The following ANKRD62 variants were observed in gnomAD, a reference collection of about 807,000 sequenced individuals.
The protein encoded by ANKRD62 is ankyrin repeat domain-containing protein 62.
Under a neutral mutation model 98.8 loss-of-function variants are expected in ANKRD62, and 61 were observed. The observed-to-expected ratio is 0.62, with a 90% confidence interval of 0.50 to 0.76. ANKRD62 has a LOEUF of 0.76. ANKRD62 is among the 30% of genes least tolerant of loss of function. The pLI, the probability that ANKRD62 is intolerant of heterozygous loss-of-function variation, is 0.00. For synonymous variants in ANKRD62, 341 were observed against 367.9 expected, an observed-to-expected ratio of 0.93 and a Z score of 0.84; for missense variants, 933 against 1,082.9, an observed-to-expected ratio of 0.86 and a Z score of 1.94.
rs759674628 is a variant in ANKRD62 at position 12,096,185 on chromosome 18, C to T, written c.508-11C>T. On this transcript the variant is annotated splice_polypyrimidine_tract_variant and intron_variant, in intron 3 of 13. Coordinates refer to ENST00000587848, the MANE Select transcript of ANKRD62 (RefSeq NM_001277333.2). Reference sequence around the variant, plus strand: ...TTTTGTGAATTATAAATTGTTTTTGCTGTTTTGCAGGATGGACATACATCA... The same window carrying T: ...TTTTGTGAATTATAAATTGTTTTTGTTGTTTTGCAGGATGGACATACATCA... 6.7e-7 allele frequency: 1 copy of T among 1,487,288 alleles called. No homozygotes were observed. Among genetic ancestry groups the T allele is most frequent in the Non-Finnish European group, 9.0e-7 (1 of 1,109,060 alleles). 92.1% of individuals were successfully genotyped at this position (1,487,288 alleles called of 1,614,324 possible).
intron 7 of ANKRD62, among the ~76,000 whole-genome samples, chr18:12,105,338 C>A (rs919681603): frequency 6.6e-6 from 1 of 152,172 alleles, no homozygotes; most frequent in East Asian, 1.9e-4. Context: ...AGTGACAGAG[C>A]ATTAAAAGTA....
the ANKRD62 span, among the ~76,000 whole-genome samples, chr18:12,177,421 CT>C: frequency 6.6e-6 from 1 of 152,194 alleles, no homozygotes; most frequent in African/African-American, 2.4e-5. Flanking sequence ...TAAGATGTCC[CT>C]TCAGCACCAG....
downstream of ANKRD62, among the ~76,000 whole-genome samples, chr18:12,130,315 T>C (rs1457387379): frequency 6.6e-6 from 1 of 152,090 alleles, no homozygotes; most frequent in Non-Finnish European, 1.5e-5. Flanking sequence ...AAATTATGTC[T>C]GAGAATAATT....
chr18:12,108,205 T>C (rs1414170653), intron 8 of ANKRD62, among the ~76,000 whole-genome samples: 3 of 152,182 alleles, frequency 2.0e-5, no homozygotes, highest in Non-Finnish European at 4.4e-5. Context: ...CTTGTATTAG[T>C]CTATTTTCAT....
the ANKRD62 span, among the ~76,000 whole-genome samples, chr18:12,175,549 G>A: frequency 6.6e-6 from 1 of 151,914 alleles, no homozygotes. Flanking sequence ...GAGTATGCAG[G>A]CTGGTGCTTT....
At chr18:12,167,181 A>G in the ANKRD62 span, among the ~76,000 whole-genome samples, 5 of 152,032 alleles carry the variant, frequency 3.3e-5, no homozygotes, top group African/African-American at 1.2e-4. Context: ...ACATGTGCAC[A>G]ATATGCAGGT....
chr18:12,155,825 G>A, the ANKRD62 span, among the ~76,000 whole-genome samples: 94,946 of 151,932 alleles, frequency 0.62, 30,108 homozygotes, highest in Middle Eastern at 0.82. Flanking sequence ...CCCTGGAAAG[G>A]GTACTTCCTT....
At chr18:12,114,536 T>C (rs1203527955) in intron 8 of ANKRD62, among the ~76,000 whole-genome samples, 1 of 152,214 alleles carries the variant, frequency 6.6e-6, no homozygotes, top group Non-Finnish European at 1.5e-5. Flanking sequence ...GTGCCTAGTT[T>C]CTTTCTTTAT....
At chr18:12,105,851 G>A (rs928762943) in intron 7 of ANKRD62, among the ~76,000 whole-genome samples, 2 of 152,184 alleles carry the variant, frequency 1.3e-5, no homozygotes, top group African/African-American at 4.8e-5. Flanking sequence ...CATGGATATA[G>A]ACACTTGTAA....
chr18:12,170,108 GT>G, the ANKRD62 span, among the ~76,000 whole-genome samples: 1 of 152,096 alleles, frequency 6.6e-6, no homozygotes, highest in South Asian at 2.1e-4. Flanking sequence ...TTTTTGAAGG[GT>G]TTTTTGTATC....
chr18:12,163,159 T>C, the ANKRD62 span, among the ~76,000 whole-genome samples: 1 of 152,078 alleles, frequency 6.6e-6, no homozygotes, highest in South Asian at 2.1e-4. Context: ...ATTAAATATG[T>C]TTCCATTTTT....
chr18:12,159,462 T>A, the ANKRD62 span, among the ~76,000 whole-genome samples: 1 of 152,206 alleles, frequency 6.6e-6, no homozygotes, highest in Non-Finnish European at 1.5e-5. Context: ...AGTTCCATAG[T>A]GGAGACCAAT....
downstream of ANKRD62, among the ~76,000 whole-genome samples, chr18:12,133,232 A>G (rs534906813): frequency 5.9e-5 from 9 of 152,270 alleles, no homozygotes; most frequent in Middle Eastern, 3.4e-3. Context: ...CATCTATATC[A>G]TACAGCATGT....
At chr18:12,100,743 C>G (rs1909283002) in intron 6 of ANKRD62, among the ~76,000 whole-genome samples, 1 of 152,212 alleles carries the variant, frequency 6.6e-6, no homozygotes, top group Non-Finnish European at 1.5e-5. Context: ...ACTTAATTCC[C>G]CCCAAGTGGA....
In ANKRD62 at chr18:12,129,423, T is replaced by A. The variant is rs1598739784; in HGVS notation, c.*1484T>A. 6.6e-6 allele frequency: 1 copy of A among 152,066 alleles called. No individual in the cohort carries two copies. Among genetic ancestry groups the A allele is most frequent in the East Asian group, 1.9e-4 (1 of 5,166 alleles). 9.4% of individuals were successfully genotyped at this position (152,066 alleles called of 1,614,324 possible). On this transcript the variant is annotated 3_prime_UTR_variant, in exon 14 of 14. Coordinates refer to ENST00000587848, the MANE Select transcript of ANKRD62 (RefSeq NM_001277333.2). ...AAACAATATGCAGACTGAAGGGGTG[T>A]GGCTGCATTCCAGTAAAATTTAGTT...
At chr18:12,173,140 G>A in the ANKRD62 span, among the ~76,000 whole-genome samples, 26 of 152,256 alleles carry the variant, frequency 1.7e-4, no homozygotes, top group Admixed American at 4.6e-4. Context: ...AGATGAACCC[G>A]GTACCTCAGT....
At chr18:12,169,347 G>T in the ANKRD62 span, among the ~76,000 whole-genome samples, 2 of 152,216 alleles carry the variant, frequency 1.3e-5, no homozygotes. Context: ...ATGAAGGGCT[G>T]TTGAATTTTG....
the ANKRD62 span, among the ~76,000 whole-genome samples, chr18:12,138,675 G>T: frequency 6.6e-6 from 1 of 152,132 alleles, no homozygotes; most frequent in Non-Finnish European, 1.5e-5. Context: ...TAATGTGTGG[G>T]AGTCTAAGTC....
At chr18:12,141,148 C>T in the ANKRD62 span, among the ~76,000 whole-genome samples, 9 of 152,360 alleles carry the variant, frequency 5.9e-5, no homozygotes, top group South Asian at 2.1e-4. Flanking sequence ...TAGGACTCTC[C>T]GAGCCATGTG....
Sources: gnomAD v4.1 joint callset for allele counts (sites outside exome capture counted in the v4.1 genomes callset) on GRCh38, gnomAD v4.1.1 for gene constraint, MANE v1.5 for transcripts, NCBI Gene and HGNC (gene_info 2026-07-23, HGNC 2026-07-21) for gene names.